Variants in SDSL observed in about 807,000 individuals in gnomAD.
The protein encoded by SDSL is serine dehydratase like.
A neutral mutation model predicts 27.6 loss-of-function variants in SDSL; 26 were observed. The ratio of observed to expected loss-of-function variants is 0.94; its 90% CI spans 0.69 to 1.31. SDSL has a LOEUF of 1.31. Ranked by LOEUF, SDSL falls within the 50% of genes most tolerant of loss-of-function variation. SDSL has a pLI of 0.00. For missense variants in SDSL, 431 were observed against 423.5 expected (o/e 1.02, Z -0.16); for synonymous variants, 196 against 180.6 (o/e 1.09, Z -0.69).
rs1957889330 is a variant in SDSL, at chr12:113,429,234, A to G, written c.289A>G (p.Ser97Gly). Reference sequence around the variant, plus strand: ...TCCTGCCACCATCGTGCTCCCCGAGAGCACCTCCCTGCAGGTGGTGCAGAG... The same window carrying G: ...TCCTGCCACCATCGTGCTCCCCGAGGGCACCTCCCTGCAGGTGGTGCAGAG... ...GIPATIVLPE[S>G]TSLQVVQRLQ... Residue 97 changes from serine to glycine, a missense_variant, in exon 4 of 8, where the codon AGC (serine) becomes GGC (glycine). Ser to Gly is a moderately conservative substitution (Grantham distance 56). Transcript: ENST00000403593. 1 of 1,613,528 alleles carries G rather than the reference A, an allele frequency of 6.2e-7. No individual in the cohort carries two copies. The highest frequency in any genetic ancestry group is 1.1e-5 in the South Asian group (1 of 91,052).
intron 1 of SDSL, chr12:113,425,650 C>T (rs773833706): frequency 2.2e-6 from 1 of 455,258 alleles, no homozygotes; most frequent in African/African-American, 2.0e-5. Flanking sequence ...TCCATCTCTT[C>T]TTTTCGTCCT....
rs1200891782 is a variant in SDSL, at chr12:113,435,317, C to T, written c.444-12C>T. The T allele has an allele frequency of 4.0e-6, 6 of 1,487,710 alleles. No homozygotes were observed. Among genetic ancestry groups the T allele is most frequent in the Non-Finnish European group, 4.5e-6 (5 of 1,114,364 alleles). The allele number at this position is 1,487,710 out of a possible 1,614,324, so 92.2% of individuals were successfully genotyped here. A position where few individuals can be genotyped will look rare whatever the true frequency, so the allele number is the denominator to read the frequency against. ...CCTCACTCTGCTTCTCCCTCTCACCCCCCCTCCCCAGGAAAGGCCACGCCA... is the reference window on the plus strand; with the variant it reads ...CCTCACTCTGCTTCTCCCTCTCACCTCCCCTCCCCAGGAAAGGCCACGCCA... On this transcript the variant is annotated splice_polypyrimidine_tract_variant and intron_variant, in intron 5 of 7. Transcript: ENST00000403593.
intron 3 of SDSL, among the ~76,000 whole-genome samples, chr12:113,428,950 G>A (rs1223875733): frequency 2.0e-5 from 3 of 151,464 alleles, no homozygotes; most frequent in Non-Finnish European, 4.4e-5. Context: ...CTTGGGTGGC[G>A]TCTTCATCCT....
At chr12:113,429,547 G>A (rs1050009280) in intron 4 of SDSL, among the ~76,000 whole-genome samples, 3 of 152,168 alleles carry the variant, frequency 2.0e-5, no homozygotes, top group South Asian at 2.1e-4. Flanking sequence ...GGAAGCTGAC[G>A]ATGAACAGGA....
At position 113,428,141 on chromosome 12, in the gene SDSL, G is replaced by A. The variant is rs776307371; in HGVS notation, c.159G>A (p.Gly53=). 6.2e-7 allele frequency: 1 copy of A among 1,611,548 alleles called. No individual in the cohort carries two copies. The highest frequency in any genetic ancestry group is 8.5e-7 in the Non-Finnish European group (1 of 1,178,880). ...GCTCCTTCAAGATTCGGGGCATTGGGCATTTCTGCCAGGAGGTGAGGGTGT... is the reference window on the plus strand; with the variant it reads ...GCTCCTTCAAGATTCGGGGCATTGGACATTTCTGCCAGGAGGTGAGGGTGT... ...PSGSFKIRGI[G]HFCQEMAKKG... Residue 53 remains glycine, a synonymous_variant, in exon 2 of 8, where the codon GGG becomes GGA. Coordinates refer to ENST00000403593, the MANE Select transcript of SDSL (RefSeq NM_001304993.2).
intron 1 of SDSL, among the ~76,000 whole-genome samples, chr12:113,423,913 C>T (rs1055070575): frequency 6.6e-6 from 1 of 152,172 alleles, no homozygotes; most frequent in Non-Finnish European, 1.5e-5. Flanking sequence ...CATGCAGGCT[C>T]ATTGAATCCT....
In SDSL at chr12:113,434,599, C is replaced by T. The variant is rs142657202; in HGVS notation, c.443+377C>T. Among the ~76,000 whole-genome samples, 82 of 152,282 alleles carry T rather than the reference C, an allele frequency of 5.4e-4. 1 individual carries two copies. Among genetic ancestry groups the T allele is most frequent in the Middle Eastern group, 3.4e-3 (1 of 294 alleles). ...CATAGGTGAGGAAACTGAGGCACAT[C>T]GAGGTCAAACAACTTGCCCCGGATC... On this transcript the variant is annotated intron_variant, in intron 5 of 7. Transcript: ENST00000403593.
intron 7 of SDSL, 105 bp from the exon 8 acceptor site, chr12:113,437,781 C>G: frequency 1.9e-6 from 2 of 1,028,832 alleles, no homozygotes; most frequent in South Asian, 3.2e-5. Flanking sequence ...GAATGGCTGA[C>G]TGGCTGGAGA....
intron 1 of SDSL, chr12:113,427,046 G>C (rs528515035): frequency 6.6e-6 from 1 of 152,368 alleles, no homozygotes; most frequent in South Asian, 2.1e-4. Flanking sequence ...CAGGAAGGGG[G>C]AGTGGGCACC....
rs1958007198 is a variant in SDSL at position 113,437,164 on chromosome 12, C to T, written c.796+289C>T. Reference sequence around the variant, plus strand: ...AGGGCTATCAGCCATCATAGCACCTCCTTCAGGAAGCCTCCCTTGATCACT... The same window carrying T: ...AGGGCTATCAGCCATCATAGCACCTTCTTCAGGAAGCCTCCCTTGATCACT... On this transcript the variant is annotated intron_variant, in intron 7 of 7. Transcript: ENST00000403593. 2 of 202,124 alleles carry T rather than the reference C, an allele frequency of 9.9e-6. 1 individual carries two copies. The highest frequency in any genetic ancestry group is 3.5e-3 in the Middle Eastern group (2 of 574). 12.5% of individuals were successfully genotyped at this position (202,124 alleles called of 1,614,324 possible).
At chr12:113,437,197 C>T (rs866351158) in intron 7 of SDSL, 14 of 183,936 alleles carry the variant, frequency 7.6e-5, no homozygotes, top group Middle Eastern at 2.3e-3. Flanking sequence ...ACTCACCCCA[C>T]GCTGCCTGGG....
At chr12:113,431,577 GTT>G (rs780942889) in intron 4 of SDSL, among the ~76,000 whole-genome samples, 2 of 141,906 alleles carry the variant, frequency 1.4e-5, no homozygotes, top group South Asian at 2.3e-4. Context: ...ACAGGTAGTT[GTT>G]TTTTTTTTTT....
chr12:113,432,722 C>T (rs1158110561), intron 4 of SDSL, among the ~76,000 whole-genome samples: 1 of 152,184 alleles, frequency 6.6e-6, no homozygotes, highest in East Asian at 1.9e-4. Context: ...ATCTTTGTGC[C>T]CATGTTTATA....
intron 5 of SDSL, 32 bp downstream of exon 5, chr12:113,434,254 A>G (rs375402123): frequency 2.2e-5 from 33 of 1,506,188 alleles, no homozygotes; most frequent in Non-Finnish European, 3.0e-5. Flanking sequence ...CCAGGAGTCC[A>G]GAGCTGGGAG....
At chr12:113,424,080 T>C (rs907178325) in intron 1 of SDSL, among the ~76,000 whole-genome samples, 10 of 152,190 alleles carry the variant, frequency 6.6e-5, no homozygotes, top group African/African-American at 1.9e-4. Context: ...CGATCTCGGC[T>C]CACTGCAACC....
intron 7 of SDSL, among the ~76,000 whole-genome samples, chr12:113,437,616 G>A (rs910605821): frequency 6.6e-6 from 1 of 152,124 alleles, no homozygotes; most frequent in Non-Finnish European, 1.5e-5. Context: ...TTGATGGATG[G>A]GTACACTGAT....
chr12:113,428,279 G>T, intron 2 of SDSL, 123 bp downstream of exon 2: 1 of 1,309,642 alleles, frequency 7.6e-7, no homozygotes, highest in South Asian at 1.4e-5. Context: ...GATGGGAGGG[G>T]AAAGGTAAGG....
Position 113,429,301 on chromosome 12 carries a change from T to C in SDSL, c.354+2T>C. On this transcript the variant is annotated splice_donor_variant, in intron 4 of 7. Transcript: ENST00000403593. LOFTEE classifies it high-confidence loss of function. The stretch of plus-strand genomic sequence containing the variant: ...GCCGAGGTTCAGCTGACTGGAAAGG[T>C]AAGGGCTCTGGGAAGGGGAGAACCA... The C allele has an allele frequency of 6.2e-7, 1 of 1,606,938 alleles. No individual in the cohort carries two copies. The highest frequency in any genetic ancestry group is 8.5e-7 in the Non-Finnish European group (1 of 1,174,418).
rs147181492 is a variant in SDSL, at chr12:113,426,799, C to T, written c.-21-1163C>T. 4.4e-4 allele frequency among the ~76,000 whole-genome samples: 67 copies of T among 152,060 alleles called. 2 individuals are homozygous for T. Among genetic ancestry groups the T allele is most frequent in the South Asian group, 1.3e-3 (6 of 4,800 alleles). Reference sequence around the variant, plus strand: ...CAAAAAAGTACAAAAATTAGCCAGACGTGGTGATGTGTGCCTGTAGTCCCA... The same window carrying T: ...CAAAAAAGTACAAAAATTAGCCAGATGTGGTGATGTGTGCCTGTAGTCCCA... On this transcript the variant is annotated intron_variant, in intron 1 of 7. Transcript: ENST00000403593.
Sources: allele counts gnomAD v4.1 joint callset (sites outside exome capture counted in the v4.1 genomes callset), GRCh38; gene constraint gnomAD v4.1.1; transcripts MANE v1.5; gene names NCBI Gene and HGNC (gene_info 2026-07-23, HGNC 2026-07-21).